Variants in RTN4 observed in about 807,000 individuals in gnomAD.
The protein encoded by RTN4 is reticulon 4, also known as reticulon-4.
RTN4 carries 32 observed loss-of-function variants against 90.4 expected under a neutral mutation model. The ratio of observed to expected loss-of-function variants is 0.35; its 90% CI spans 0.27 to 0.48. The LOEUF (loss-of-function observed/expected upper bound fraction) is 0.48. Among genes scored for constraint, RTN4 ranks in the 20% least tolerant of loss-of-function variants. The probability of loss-of-function intolerance (pLI) is 0.99; values close to 1 mark genes in which losing one functional copy is unlikely to be tolerated. For missense variants in RTN4, 1,706 were observed against 1,430.2 expected (o/e 1.19, Z -3.11); for synonymous variants, 629 against 552.5 (o/e 1.14, Z -1.94).
At chr2:55,070,545 C>CAAAAAAAAAAAA (rs747838297) in intron 2 of RTN4, among the ~76,000 whole-genome samples, 4 of 67,272 alleles carry the variant, frequency 5.9e-5, no homozygotes, top group Non-Finnish European at 8.6e-5. Flanking sequence ...GACTCTGTCT[C>CAAAAAAAAAAAA]AAAAAAAAAA....
intron 1 of RTN4, among the ~76,000 whole-genome samples, chr2:55,031,430 G>GA (rs1294343054): frequency 2.0e-5 from 3 of 152,218 alleles, no homozygotes; most frequent in Admixed American, 6.5e-5. Context: ...AAGCCTCACA[G>GA]AAAAGGAGCT....
chr2:55,006,518 A>AATCT (rs1486050691), intron 3 of RTN4, among the ~76,000 whole-genome samples: 1 of 152,096 alleles, frequency 6.6e-6, no homozygotes, highest in Non-Finnish European at 1.5e-5. Context: ...GCCCTAAAAG[A>AATCT]ATCTCTACAC....
At chr2:54,985,153 CTTTTTTTTTTTTTTT>C (rs71769973) in intron 4 of RTN4, among the ~76,000 whole-genome samples, 3 of 57,864 alleles carry the variant, frequency 5.2e-5, no homozygotes, top group East Asian at 6.0e-4. Context: ...ATGACTCGGC[CTTTTTTTTTTTTTTT>C]TTTTTTTTTT....
At chr2:55,135,350 G>A in the RTN4 span, among the ~76,000 whole-genome samples, 4 of 151,546 alleles carry the variant, frequency 2.6e-5, no homozygotes, top group Non-Finnish European at 5.9e-5. Flanking sequence ...TCGATTACAC[G>A]TGCACACCAC....
the RTN4 span, among the ~76,000 whole-genome samples, chr2:55,136,439 T>C: frequency 2.6e-5 from 4 of 152,256 alleles, no homozygotes; most frequent in Non-Finnish European, 5.9e-5. Context: ...AACAGCATAC[T>C]TGGACTCAAG....
chr2:55,132,279 A>T, the RTN4 span, among the ~76,000 whole-genome samples: 1 of 151,870 alleles, frequency 6.6e-6, no homozygotes, highest in South Asian at 2.1e-4. Flanking sequence ...GAGGCGGGCG[A>T]ATCACCTGAG....
intron 1 of RTN4, among the ~76,000 whole-genome samples, chr2:55,033,257 A>C (rs1682452710): frequency 6.6e-6 from 1 of 152,146 alleles, no homozygotes; most frequent in Non-Finnish European, 1.5e-5. Context: ...AAACAACAAT[A>C]AGAATGACCT....
chr2:55,123,156 A>G, the RTN4 span, among the ~76,000 whole-genome samples: 1 of 152,250 alleles, frequency 6.6e-6, no homozygotes, highest in Non-Finnish European at 1.5e-5. Flanking sequence ...ATTAATTTAT[A>G]TAATGGAAGA....
intron 5 of RTN4, among the ~76,000 whole-genome samples, chr2:54,977,059 T>C (rs1472650466): frequency 1.3e-5 from 2 of 152,256 alleles, no homozygotes; most frequent in Non-Finnish European, 2.9e-5. Flanking sequence ...TAAAGAGCTC[T>C]GCAGATTTGT....
chr2:55,109,842 G>T (rs1668005115), intron 1 of RTN4, among the ~76,000 whole-genome samples: 1 of 152,176 alleles, frequency 6.6e-6, no homozygotes, highest in Admixed American at 6.5e-5. Flanking sequence ...CAAGAAAAGA[G>T]GAGTCTGAGG....
intron 5 of RTN4, among the ~76,000 whole-genome samples, chr2:54,980,002 T>C (rs2104629978): frequency 6.6e-6 from 1 of 152,328 alleles, no homozygotes; most frequent in East Asian, 1.9e-4. Context: ...AAAGTCCTTT[T>C]TTTCAATACT....
At chr2:55,061,076 T>TC (rs1307241003) in intron 2 of RTN4, among the ~76,000 whole-genome samples, 55 of 151,354 alleles carry the variant, frequency 3.6e-4, no homozygotes, top group African/African-American at 1.3e-3. Flanking sequence ...ATTTTTTTTT[T>TC]TTTTTTTGAG....
chr2:55,088,916 A>G (rs931764875), intron 1 of RTN4, among the ~76,000 whole-genome samples: 4 of 151,966 alleles, frequency 2.6e-5, no homozygotes, highest in African/African-American at 9.7e-5. Flanking sequence ...ACAGCACAAG[A>G]ATAGGGTTAT....
chr2:54,982,309 G>T (rs1005473505), intron 5 of RTN4, among the ~76,000 whole-genome samples: 2 of 151,612 alleles, frequency 1.3e-5, no homozygotes, highest in African/African-American at 4.9e-5. Flanking sequence ...AGGACTCTCT[G>T]TATTAAGTAT....
At chr2:55,118,128 T>C in the RTN4 span, among the ~76,000 whole-genome samples, 6 of 152,128 alleles carry the variant, frequency 3.9e-5, no homozygotes, top group African/African-American at 9.7e-5. Flanking sequence ...ACACTTTGGA[T>C]AGCACCGATC....
chr2:55,043,435 T>C (rs761846765), intron 1 of RTN4, among the ~76,000 whole-genome samples: 3 of 152,190 alleles, frequency 2.0e-5, no homozygotes, highest in Non-Finnish European at 4.4e-5. Flanking sequence ...CAAGTTATTC[T>C]AATAAGTTGC....
intron 1 of RTN4, among the ~76,000 whole-genome samples, chr2:55,095,076 C>G (rs749318481): frequency 1.8e-4 from 27 of 152,076 alleles, no homozygotes; most frequent in Non-Finnish European, 3.7e-4. Context: ...GTAATCGCAG[C>G]ACTTGGAAGG....
intron 1 of RTN4, among the ~76,000 whole-genome samples, chr2:55,098,462 G>T (rs1028135477): frequency 1.3e-5 from 2 of 151,924 alleles, no homozygotes; most frequent in African/African-American, 2.4e-5. Flanking sequence ...AATTATCAAC[G>T]CAGGGTCAAT....
At chr2:55,000,145 A>G (rs1185055797) in intron 3 of RTN4, among the ~76,000 whole-genome samples, 1 of 152,194 alleles carries the variant, frequency 6.6e-6, no homozygotes, top group Non-Finnish European at 1.5e-5. Flanking sequence ...CAAATATTAT[A>G]TGTAATGCTT....
Sources: gnomAD v4.1 joint callset for allele counts (sites outside exome capture counted in the v4.1 genomes callset) on GRCh38, gnomAD v4.1.1 for gene constraint, MANE v1.5 for transcripts, NCBI Gene and HGNC (gene_info 2026-07-23, HGNC 2026-07-21) for gene names.